Variants in PLA2G5 observed in about 807,000 individuals in gnomAD.
The protein encoded by PLA2G5 is Ca2+-dependent phospholipase A2.
In PLA2G5, 12 loss-of-function variants were observed where a neutral mutation model predicts 15.9. The ratio of observed to expected loss-of-function variants is 0.76; its 90% CI spans 0.48 to 1.23. The LOEUF (loss-of-function observed/expected upper bound fraction) is 1.23, where lower values mean the gene tolerates loss of function less well. PLA2G5 is among the 50% of genes most tolerant of loss of function. PLA2G5 has a pLI of 0.00. For missense variants in PLA2G5, 169 were observed against 177.1 expected (o/e 0.95, Z 0.26); for synonymous variants, 71 against 71.4 (o/e 0.99, Z 0.03).
At chr1:20,050,017 C>T (rs1175493006) in intron 1 of PLA2G5, among the ~76,000 whole-genome samples, 1 of 152,132 alleles carries the variant, frequency 6.6e-6, no homozygotes, top group Non-Finnish European at 1.5e-5. Context: ...CTGTGAAGTG[C>T]AGAAGGTCTT....
chr1:20,045,811 C>G (rs1452075629), intron 1 of PLA2G5, among the ~76,000 whole-genome samples: 1 of 152,128 alleles, frequency 6.6e-6, no homozygotes, highest in African/African-American at 2.4e-5. Context: ...GCAGGCTGCA[C>G]CCAGATGAAA....
At chr1:20,090,262 A>G (rs2016502625) in intron 4 of PLA2G5, among the ~76,000 whole-genome samples, 1 of 152,200 alleles carries the variant, frequency 6.6e-6, no homozygotes, top group Admixed American at 6.5e-5. Flanking sequence ...GTTCTGCTCT[A>G]TGAGAATGAG....
intron 1 of PLA2G5, among the ~76,000 whole-genome samples, chr1:20,053,582 T>A (rs896390229): frequency 1.1e-5 from 1 of 88,708 alleles, no homozygotes; most frequent in Non-Finnish European, 2.2e-5. Flanking sequence ...GGGGGGGGGG[T>A]GATATGCAAA....
intron 2 of PLA2G5, among the ~76,000 whole-genome samples, chr1:20,060,755 A>G (rs2014684555): frequency 6.9e-6 from 1 of 144,460 alleles, no homozygotes; most frequent in Non-Finnish European, 1.5e-5. Flanking sequence ...TTTTTTTGAG[A>G]TGGAGTTTTG....
intron 1 of PLA2G5, among the ~76,000 whole-genome samples, chr1:20,040,584 AC>A (rs2013533025): frequency 1.4e-5 from 1 of 72,284 alleles, no homozygotes; most frequent in Non-Finnish European, 2.9e-5. Flanking sequence ...AAATACACAC[AC>A]ACACACACAC....
intron 1 of PLA2G5, among the ~76,000 whole-genome samples, chr1:20,043,019 T>A (rs932466522): frequency 5.3e-5 from 8 of 152,142 alleles, no homozygotes; most frequent in Non-Finnish European, 8.8e-5. Context: ...AGAAAGGGCT[T>A]GACTGAAGTA....
chr1:20,085,528 A>G (rs147437178), intron 2 of PLA2G5, among the ~76,000 whole-genome samples: 1 of 152,080 alleles, frequency 6.6e-6, no homozygotes. Context: ...AACTGGCTTC[A>G]GCGATTTCTA....
At chr1:20,057,900 G>A (rs2014515920) in intron 1 of PLA2G5, among the ~76,000 whole-genome samples, 2 of 152,040 alleles carry the variant, frequency 1.3e-5, no homozygotes, top group Admixed American at 1.3e-4. Context: ...TTATTTAGAA[G>A]TGTGTTGTTT....
At chr1:20,084,926 G>A (rs2016208300) in intron 2 of PLA2G5, 56 bp downstream of exon 2, 1 of 1,213,118 alleles carries the variant, frequency 8.2e-7, no homozygotes, top group Non-Finnish European at 1.2e-6. Flanking sequence ...GAGTAACAGG[G>A]TGGTGAAAAG....
chr1:20,051,194 C>T (rs1209687082), intron 1 of PLA2G5, among the ~76,000 whole-genome samples: 1 of 152,140 alleles, frequency 6.6e-6, no homozygotes, highest in Non-Finnish European at 1.5e-5. Context: ...TTTTGTCATC[C>T]ACAGACAATT....
In PLA2G5 at chr1:20,090,733, T is replaced by C. The variant is rs749010834; in HGVS notation, c.*41T>C. ...TCCTCCCAGACCAAGACTTTTGTTC[T>C]GTTTTTCTACAACACAGAGTACTGA... On this transcript the variant is annotated 3_prime_UTR_variant, in exon 5 of 5. Transcript: ENST00000375108. 6.2e-7 allele frequency: 1 copy of C among 1,609,116 alleles called. No individual in the cohort carries two copies. Among genetic ancestry groups the C allele is most frequent in the East Asian group, 2.2e-5 (1 of 44,850 alleles).
chr1:20,088,461 C>A (rs1294260653), intron 3 of PLA2G5, among the ~76,000 whole-genome samples: 3 of 146,566 alleles, frequency 2.0e-5, no homozygotes, highest in Admixed American at 2.0e-4. Context: ...AACTCTGAAT[C>A]AATTATGGCT....
intron 1 of PLA2G5, among the ~76,000 whole-genome samples, chr1:20,038,845 C>T (rs904113054): frequency 1.3e-5 from 2 of 152,186 alleles, no homozygotes; most frequent in Non-Finnish European, 2.9e-5. Flanking sequence ...GAAGTTTTGG[C>T]AGTAACAGCA....
intron 1 of PLA2G5, among the ~76,000 whole-genome samples, chr1:20,075,701 G>A (rs1259879058): frequency 2.0e-5 from 3 of 152,156 alleles, no homozygotes; most frequent in Non-Finnish European, 1.5e-5. Flanking sequence ...ACTTAAGACT[G>A]TAAGGAGTGG....
chr1:20,036,080 G>T (rs1341379005), intron 1 of PLA2G5, among the ~76,000 whole-genome samples: 2 of 152,158 alleles, frequency 1.3e-5, no homozygotes, highest in East Asian at 3.8e-4. Flanking sequence ...ATCCCTTCTA[G>T]CTTGTAGGGT....
chr1:20,040,962 G>C (rs1242015906), intron 1 of PLA2G5, among the ~76,000 whole-genome samples: 1 of 152,186 alleles, frequency 6.6e-6, no homozygotes, highest in African/African-American at 2.4e-5. Context: ...TCTTACATGT[G>C]TTGATTGATG....
Position 20,089,900 on chromosome 1 carries a change from G to A in PLA2G5, c.292+5G>A, listed in dbSNP as rs1211714562. Reference sequence around the variant, plus strand: ...CGTGGGGCGTGGTCACCTGCGGTAAGGCTGGGGCTTCCCGTTCGGGCCATT... The same window carrying A: ...CGTGGGGCGTGGTCACCTGCGGTAAAGCTGGGGCTTCCCGTTCGGGCCATT... On this transcript the variant is annotated splice_donor_5th_base_variant and intron_variant, in intron 4 of 4. Coordinates refer to ENST00000375108, the MANE Select transcript of PLA2G5 (RefSeq NM_000929.3). 2 of 1,605,940 alleles carry A rather than the reference G, an allele frequency of 1.2e-6. No individual in the cohort carries two copies. The highest frequency in any genetic ancestry group is 1.1e-5 in the South Asian group (1 of 90,542).
chr1:20,056,766 T>C (rs2014452253), intron 1 of PLA2G5, among the ~76,000 whole-genome samples: 1 of 152,238 alleles, frequency 6.6e-6, no homozygotes, highest in South Asian at 2.1e-4. Context: ...GCTTCTACCT[T>C]CTGGAAGAGA....
At chr1:20,082,531 C>T (rs987926553) in intron 1 of PLA2G5, among the ~76,000 whole-genome samples, 2 of 151,894 alleles carry the variant, frequency 1.3e-5, no homozygotes, top group Non-Finnish European at 2.9e-5. Flanking sequence ...TTCAGGTATT[C>T]CTGTTTATTG....
Sources: gnomAD v4.1 joint callset for allele counts (sites outside exome capture counted in the v4.1 genomes callset) on GRCh38, gnomAD v4.1.1 for gene constraint, MANE v1.5 for transcripts, NCBI Gene and HGNC (gene_info 2026-07-23, HGNC 2026-07-21) for gene names.